The following FAM174A variants were observed in gnomAD, a reference collection of about 807,000 sequenced individuals.
FAM174A encodes membrane protein FAM174A.
FAM174A carries 14 observed loss-of-function variants against 14.3 expected under a neutral mutation model. The observed-to-expected ratio is 0.98, with a 90% CI of 0.65 to 1.53. The LOEUF (loss-of-function observed/expected upper bound fraction) is 1.53, where lower values mean the gene tolerates loss of function less well. Ranked by LOEUF, FAM174A falls within the 40% of genes most tolerant of loss-of-function variation. The pLI, the probability that FAM174A is intolerant of heterozygous loss-of-function variation, is 0.00. For missense variants in FAM174A, 241 were observed against 249.6 expected (o/e 0.97, Z 0.23); for synonymous variants, 108 against 111.4 (o/e 0.97, Z 0.19).
chr5:100,559,344 G>A (rs6862027), intron 1 of FAM174A, among the ~76,000 whole-genome samples: 2,873 of 152,142 alleles, frequency 0.019, 77 homozygotes, highest in African/African-American at 0.064. Context: ...TGGGTAACCC[G>A]ACCGTTTTCT....
chr5:100,582,931 T>A (rs1033097750), intron 2 of FAM174A, among the ~76,000 whole-genome samples: 1 of 152,176 alleles, frequency 6.6e-6, no homozygotes, highest in African/African-American at 2.4e-5. Flanking sequence ...AAAATCCACG[T>A]GTAATTTTTG....
chr5:100,551,349 C>T (rs1296692035), intron 1 of FAM174A, among the ~76,000 whole-genome samples: 2 of 152,068 alleles, frequency 1.3e-5, no homozygotes, highest in African/African-American at 4.8e-5. Context: ...TTGTCCCTAG[C>T]CGATGACTGA....
intron 1 of FAM174A, among the ~76,000 whole-genome samples, chr5:100,555,884 C>T (rs369445499): frequency 2.6e-5 from 4 of 152,162 alleles, no homozygotes; most frequent in East Asian, 1.9e-4. Context: ...TTCTCCCATT[C>T]TATAGGTTGC....
intron 1 of FAM174A, among the ~76,000 whole-genome samples, chr5:100,540,797 G>C (rs1176448619): frequency 1.3e-5 from 2 of 152,160 alleles, no homozygotes; most frequent in African/African-American, 2.4e-5. Flanking sequence ...TATGTGTGCA[G>C]TTCTGGGAGG....
intron 1 of FAM174A, among the ~76,000 whole-genome samples, chr5:100,537,946 C>G (rs891053461): frequency 6.6e-6 from 1 of 151,982 alleles, no homozygotes; most frequent in African/African-American, 2.4e-5. Context: ...GATTTTCTGT[C>G]ATTAATGTTG....
intron 1 of FAM174A, among the ~76,000 whole-genome samples, chr5:100,555,397 G>A (rs1746354581): frequency 6.6e-6 from 1 of 152,072 alleles, no homozygotes; most frequent in Non-Finnish European, 1.5e-5. Context: ...ATACGTGTGT[G>A]TGTGTCTTTA....
chr5:100,543,002 G>A (rs915933723), intron 1 of FAM174A, among the ~76,000 whole-genome samples: 2 of 152,010 alleles, frequency 1.3e-5, no homozygotes, highest in African/African-American at 4.8e-5. Context: ...GCTGAAGTGG[G>A]AGGATCACTC....
chr5:100,555,599 T>C (rs1746360698), intron 1 of FAM174A, among the ~76,000 whole-genome samples: 3 of 152,170 alleles, frequency 2.0e-5, no homozygotes, highest in Admixed American at 2.0e-4. Context: ...TGTTGTTTCC[T>C]GACTTTTGAA....
rs143250364 is a variant in FAM174A, at chr5:100,576,728, G to A, written c.570-9453G>A. Among the ~76,000 whole-genome samples, 87 of 152,046 alleles carry A rather than the reference G, an allele frequency of 5.7e-4. No individual in the cohort carries two copies. The Middle Eastern group carries it at 0.014, about 24-fold the overall frequency. On this transcript the variant is annotated intron_variant, in intron 2 of 2. Coordinates refer to ENST00000312637, the MANE Select transcript of FAM174A (RefSeq NM_198507.3). ...TACAGTCAAATGGGGAAAAATTGTA[G>A]GTTTCTGGGAAAAAAAATAGTTTGT...
chr5:100,546,904 T>G (rs1746174754), intron 1 of FAM174A, among the ~76,000 whole-genome samples: 2 of 152,190 alleles, frequency 1.3e-5, no homozygotes, highest in South Asian at 4.1e-4. Flanking sequence ...AGTTTTTGTT[T>G]TCTTGTGATC....
chr5:100,567,480 T>G (rs1746681642), intron 2 of FAM174A, among the ~76,000 whole-genome samples: 1 of 151,816 alleles, frequency 6.6e-6, no homozygotes, highest in Admixed American at 6.6e-5. Flanking sequence ...TATATCTATC[T>G]GATTTTTTTC....
intron 2 of FAM174A, among the ~76,000 whole-genome samples, chr5:100,571,982 A>G (rs1408989716): frequency 3.3e-5 from 5 of 151,936 alleles, no homozygotes; most frequent in Non-Finnish European, 5.9e-5. Flanking sequence ...CAGGAAACAT[A>G]TAACTGTTGC....
chr5:100,572,282 G>T (rs1746801024), intron 2 of FAM174A, among the ~76,000 whole-genome samples: 1 of 140,370 alleles, frequency 7.1e-6, no homozygotes, highest in Non-Finnish European at 1.5e-5. Flanking sequence ...TTAAGTTTTA[G>T]GGTACATGTG....
At chr5:100,572,650 A>G (rs931303967) in intron 2 of FAM174A, among the ~76,000 whole-genome samples, 2 of 152,030 alleles carry the variant, frequency 1.3e-5, no homozygotes, top group East Asian at 1.9e-4. Flanking sequence ...CCAGTCTATC[A>G]TTGTTGGACA....
chr5:100,571,359 G>T (rs1267613931), intron 2 of FAM174A, among the ~76,000 whole-genome samples: 1 of 151,326 alleles, frequency 6.6e-6, no homozygotes, highest in Non-Finnish European at 1.5e-5. Flanking sequence ...TTTTTTATTG[G>T]ATGGGAAGAG....
intron 2 of FAM174A, among the ~76,000 whole-genome samples, chr5:100,566,141 G>GATATATATATAT (rs60895683): frequency 0.052 from 4,201 of 81,282 alleles, 221 homozygotes; most frequent in South Asian, 0.059. Flanking sequence ...TGAAAAGTAT[G>GATATATATATAT]ATATATATAT....
chr5:100,580,585 G>A (rs1356698089), intron 2 of FAM174A, among the ~76,000 whole-genome samples: 1 of 152,190 alleles, frequency 6.6e-6, no homozygotes, highest in East Asian at 1.9e-4. Flanking sequence ...TAGCCATGCT[G>A]GCGCTGATTA....
chr5:100,566,307 TAGAA>T (rs146706290), intron 2 of FAM174A, among the ~76,000 whole-genome samples: 3,142 of 151,110 alleles, frequency 0.021, 102 homozygotes, highest in African/African-American at 0.07. Flanking sequence ...AATCCAAACA[TAGAA>T]AGACAGATAT....
rs142872060 is a variant in FAM174A at position 100,562,087 on chromosome 5, T to C, written c.468T>C (p.Tyr156=). 52 of 1,583,822 alleles carry C rather than the reference T, an allele frequency of 3.3e-5. No individual in the cohort carries two copies. In the African/African-American group the frequency reaches 4.0e-4, roughly 12 times the overall value. ...GAAGAAACCGAAAGACTAGGAGATA[T>C]GGAGTTTTGGACACTAACATAGAAA... ...MRRRNRKTRR[Y]GVLDTNIENM... The change falls in exon 2 of 3, where the codon TAT becomes TAC. Residue 156 remains tyrosine (Y), a synonymous_variant. Transcript: ENST00000312637.
Sources: gnomAD v4.1 joint callset for allele counts (sites outside exome capture counted in the v4.1 genomes callset) on GRCh38, gnomAD v4.1.1 for gene constraint, MANE v1.5 for transcripts, NCBI Gene and HGNC (gene_info 2026-07-23, HGNC 2026-07-21) for gene names.